Variants in GLT1D1 observed in about 807,000 individuals in gnomAD.
GLT1D1 encodes the protein glycosyltransferase 1 domain containing 1.
In GLT1D1, 21 loss-of-function variants were observed where a neutral mutation model predicts 28.7. The ratio of observed to expected loss-of-function variants is 0.73; its 90% CI spans 0.52 to 1.05. GLT1D1 has a LOEUF of 1.05. Ranked by LOEUF, GLT1D1 falls within the 50% of genes least tolerant of loss-of-function variation. GLT1D1 has a pLI of 0.00. For synonymous variants in GLT1D1, 147 were observed against 124.8 expected, an observed-to-expected ratio of 1.18 and a Z score of -1.19; for missense variants, 343 against 330.6, an observed-to-expected ratio of 1.04 and a Z score of -0.29.
chr12:128,868,678 G>C (rs987857934), intron 1 of GLT1D1, among the ~76,000 whole-genome samples: 8 of 152,052 alleles, frequency 5.3e-5, no homozygotes, highest in Non-Finnish European at 1.2e-4. Context: ...CGATCAGCTG[G>C]GTGCCGACTG....
Position 128,941,908 on chromosome 12 carries a change from T to C in GLT1D1, c.376-3418T>C, listed in dbSNP as rs1269430331. 1.6e-3 allele frequency among the ~76,000 whole-genome samples: 130 copies of C among 82,394 alleles called. 1 individual carries two copies. The highest frequency in any genetic ancestry group is 0.013 in the African/African-American group (120 of 9,442). The allele number at this position is 82,394 out of a possible 152,430, so 54.1% of individuals were successfully genotyped here. A position where few individuals can be genotyped will look rare whatever the true frequency, so the allele number is the denominator to read the frequency against. ...TGCCTGGTCTCTCTCTCTCTCTCTT[T>C]TTTTTTTTTTTTTTTTTTTTTACTA... On this transcript the variant is annotated intron_variant, in intron 4 of 7. Transcript: ENST00000281703.
At chr12:128,952,469 C>CTTTCTTTTT (rs150827801) in intron 6 of GLT1D1, among the ~76,000 whole-genome samples, 2 of 120,672 alleles carry the variant, frequency 1.7e-5, no homozygotes, top group Non-Finnish European at 3.4e-5. Flanking sequence ...AAATTTCTTT[C>CTTTCTTTTT]TTTTTTTTTT....
chr12:128,879,455 T>A (rs1158113819), intron 2 of GLT1D1, among the ~76,000 whole-genome samples: 1 of 128,988 alleles, frequency 7.8e-6, no homozygotes, highest in African/African-American at 2.9e-5. Flanking sequence ...TCTTTCTTTC[T>A]TTCTTTTTTT....
intron 4 of GLT1D1, among the ~76,000 whole-genome samples, chr12:128,900,304 T>G (rs527957185): frequency 6.6e-6 from 1 of 152,176 alleles, no homozygotes; most frequent in African/African-American, 2.4e-5. Flanking sequence ...GTTGGGAGGA[T>G]CAAGGAACAG....
chr12:128,950,032 A>C (rs7131851), intron 6 of GLT1D1, among the ~76,000 whole-genome samples: 1 of 151,776 alleles, frequency 6.6e-6, no homozygotes, highest in East Asian at 1.9e-4. Context: ...GTGTCACTTT[A>C]ACCTTGACTA....
chr12:128,983,091 G>T lies in GLT1D1; in HGVS notation c.*1G>T. ...GCTGGAAGGAAGCACTGAAGATTGA[G>T]GGCCCCGCCTCATCAGACACCTGCT... On this transcript the variant is annotated 3_prime_UTR_variant, in exon 8 of 8. Coordinates refer to ENST00000281703, the MANE Select transcript of GLT1D1 (RefSeq NM_144669.3). This position sits in a 1 kb window ranked among gnomAD's most constrained non-coding sequence, Gnocchi z 4.7. The T allele has an allele frequency of 6.2e-7, 1 of 1,613,300 alleles. No homozygotes were observed. Among genetic ancestry groups the T allele is most frequent in the Non-Finnish European group, 8.5e-7 (1 of 1,179,680 alleles).
intron 7 of GLT1D1, among the ~76,000 whole-genome samples, chr12:128,982,562 G>C (rs1030226335): frequency 6.6e-6 from 1 of 152,202 alleles, no homozygotes; most frequent in Admixed American, 6.5e-5. Flanking sequence ...CCACTCATGA[G>C]AGGGAAGACA....
chr12:128,921,607 A>G (rs1263809377), intron 4 of GLT1D1, among the ~76,000 whole-genome samples: 2 of 151,994 alleles, frequency 1.3e-5, no homozygotes, highest in South Asian at 2.1e-4. Context: ...TCAATATTGT[A>G]TCTTATGGAT....
intron 4 of GLT1D1, among the ~76,000 whole-genome samples, chr12:128,943,355 C>CTT (rs71449377): frequency 1.4e-5 from 2 of 144,830 alleles, no homozygotes; most frequent in Non-Finnish European, 3.0e-5. Context: ...TCTTTTCTCT[C>CTT]TTTTTTTTTT....
intron 1 of GLT1D1, among the ~76,000 whole-genome samples, chr12:128,870,860 A>G (rs112263985): frequency 0.016 from 2,510 of 152,230 alleles, 74 homozygotes; most frequent in African/African-American, 0.056. Flanking sequence ...GTGTGGTGGC[A>G]CGTGCCTGTA....
chr12:128,956,996 A>G (rs1424614997), intron 6 of GLT1D1, among the ~76,000 whole-genome samples: 1 of 152,248 alleles, frequency 6.6e-6, no homozygotes, highest in African/African-American at 2.4e-5. Flanking sequence ...TTCTTGTGGC[A>G]CAGCTGCTAG....
intron 6 of GLT1D1, among the ~76,000 whole-genome samples, chr12:128,955,857 A>G (rs893267394): frequency 6.6e-6 from 1 of 151,832 alleles, no homozygotes; most frequent in African/African-American, 2.4e-5. Context: ...TCTGTGATTG[A>G]TAAGTCATCT....
At chr12:128,926,543 T>C (rs1251350608) in intron 4 of GLT1D1, 89 bp downstream of exon 7, 1 of 677,964 alleles carries the variant, frequency 1.5e-6, no homozygotes, top group African/African-American at 1.8e-5. Context: ...CCCTGAGTTT[T>C]CTTTCCTCAT....
intron 2 of GLT1D1, among the ~76,000 whole-genome samples, chr12:128,881,437 G>A (rs1378103236): frequency 6.9e-6 from 1 of 144,268 alleles, no homozygotes; most frequent in Admixed American, 7.1e-5. Flanking sequence ...GGGAGGCCGA[G>A]GCAGGAGAAT....
At position 128,954,867 on chromosome 12, in the gene GLT1D1, T is replaced by C. The variant is rs541981746; in HGVS notation, c.541-2678T>C. ...TACTAGAGAGGCTGAGGTGGGAGGA[T>C]TGCTTGAGCCCAGGAGGTGAATGTT... On this transcript the variant is annotated intron_variant, in intron 6 of 7. Coordinates refer to ENST00000281703, the MANE Select transcript of GLT1D1 (RefSeq NM_144669.3). Among the ~76,000 whole-genome samples, 169 of 152,146 alleles carry C rather than the reference T, an allele frequency of 1.1e-3. 1 individual carries two copies. Among genetic ancestry groups the C allele is most frequent in the Middle Eastern group, 0.01 (3 of 294 alleles).
chr12:128,981,887 G>A (rs879791926), intron 7 of GLT1D1, among the ~76,000 whole-genome samples: 16 of 152,280 alleles, frequency 1.1e-4, no homozygotes, highest in Admixed American at 3.9e-4. Flanking sequence ...ACCCACTGCC[G>A]CTCACGTGAA....
chr12:128,980,942 T>C (rs1880259986), intron 7 of GLT1D1, among the ~76,000 whole-genome samples: 1 of 152,216 alleles, frequency 6.6e-6, no homozygotes, highest in African/African-American at 2.4e-5. Flanking sequence ...TCTTCGCTGG[T>C]AAGCACACGA....
chr12:128,880,590 C>A (rs549896629), intron 2 of GLT1D1, among the ~76,000 whole-genome samples: 160 of 152,280 alleles, frequency 1.1e-3, no homozygotes, highest in Non-Finnish European at 1.8e-3. Context: ...TATCTGGGGA[C>A]CTTCTCTGCA....
chr12:128,920,879 G>A (rs1361394062), intron 4 of GLT1D1, among the ~76,000 whole-genome samples: 2 of 152,194 alleles, frequency 1.3e-5, no homozygotes, highest in African/African-American at 4.8e-5. Flanking sequence ...AAATAAGTTT[G>A]GCATTAAAAG....
Sources: gnomAD v4.1 joint callset for allele counts (sites outside exome capture counted in the v4.1 genomes callset) on GRCh38, gnomAD v4.1.1 for gene constraint, Gnocchi (gnomAD v3.1) non-coding constraint, MANE v1.5 for transcripts, NCBI Gene and HGNC (gene_info 2026-07-23, HGNC 2026-07-21) for gene names.